MTMR4: variants seen among roughly 807,000 people sequenced by gnomAD.
The protein encoded by MTMR4 is myotubularin related protein 4, also known as phosphatidylinositol-3,5-bisphosphate 3-phosphatase MTMR4.
In MTMR4, 30 loss-of-function variants were observed where a neutral mutation model predicts 125.5. That is an observed-to-expected ratio of 0.24 (90% CI 0.18 to 0.32). The LOEUF (loss-of-function observed/expected upper bound fraction) is 0.32, where lower values mean the gene tolerates loss of function less well. Ranked by LOEUF, MTMR4 falls within the 10% of genes least tolerant of loss-of-function variation. The pLI, the probability that MTMR4 is intolerant of heterozygous loss-of-function variation, is 1.00. For synonymous variants in MTMR4, 498 were observed against 564.5 expected (o/e 0.88, Z 1.67); for missense variants, 1,039 against 1,511.5 (o/e 0.69, Z 5.18).
In MTMR4 at chr17:58,512,350, G is replaced by T; in HGVS notation, c.252+40C>A. 1 of 1,501,264 alleles carries T rather than the reference G, an allele frequency of 6.7e-7. No individual in the cohort carries two copies. Among genetic ancestry groups the T allele is most frequent in the East Asian group, 2.3e-5 (1 of 44,310 alleles). 93.0% of individuals were successfully genotyped at this position (1,501,264 alleles called of 1,614,324 possible). ...ACAATCCCACCTTGAACTTCATAGG[G>T]ATTCTAGCTTAGGGGTAGGAGAACA... On this transcript the variant is annotated intron_variant, in intron 3 of 17. Coordinates refer to ENST00000682306, the MANE Select transcript of MTMR4 (RefSeq NM_001378067.1). The surrounding 1 kb of genome is among the most constrained non-coding windows in gnomAD (Gnocchi z 4.1).
chr17:58,516,391 A>G (rs930825532), upstream of MTMR4, among the ~76,000 whole-genome samples: 3 of 152,218 alleles, frequency 2.0e-5, no homozygotes, highest in Non-Finnish European at 4.4e-5. Flanking sequence ...TTCCAGTCCC[A>G]GTGCTGTATA....
chr17:58,513,668 G>A (rs756631583), intron 1 of MTMR4, among the ~76,000 whole-genome samples: 10 of 151,994 alleles, frequency 6.6e-5, no homozygotes, highest in Non-Finnish European at 1.2e-4. Flanking sequence ...GCGCCTGGGA[G>A]GAGCCAGGAG....
chr17:58,491,964 AGTTTG>A (rs1975325815), intron 17 of MTMR4, 124 bp from the exon 18 acceptor site: 1 of 693,230 alleles, frequency 1.4e-6, no homozygotes. Flanking sequence ...TGAGGCCAGG[AGTTTG>A]AGACTTGCCT....
rs1409423307 is a variant in MTMR4, at chr17:58,512,182, C to T, written c.252+208G>A. Among the ~76,000 whole-genome samples, 1 of 152,138 alleles carries T rather than the reference C, an allele frequency of 6.6e-6. No individual in the cohort carries two copies. Among genetic ancestry groups the T allele is most frequent in the Non-Finnish European group, 1.5e-5 (1 of 68,020 alleles). ...TGTATTGTTAGTAGAGACACAGTTT[C>T]ACCATGTTGGCCAGGCTGGTCTCGA... On this transcript the variant is annotated intron_variant, in intron 3 of 17. Coordinates refer to ENST00000682306, the MANE Select transcript of MTMR4 (RefSeq NM_001378067.1). This position sits in a 1 kb window ranked among gnomAD's most constrained non-coding sequence, Gnocchi z 4.1.
intron 14 of MTMR4, among the ~76,000 whole-genome samples, chr17:58,500,335 C>T (rs1975587259): frequency 6.6e-6 from 1 of 152,044 alleles, no homozygotes; most frequent in East Asian, 1.9e-4. Flanking sequence ...CCATGTTGCC[C>T]AGGTTGGTCT....
Position 58,491,452 on chromosome 17 carries a change from C to A in MTMR4, c.*211G>T. The A allele has an allele frequency of 2.2e-6, 1 of 458,596 alleles. No homozygotes were observed. The allele number at this position is 458,596 out of a possible 1,614,324, so 28.4% of individuals were successfully genotyped here. A position where few individuals can be genotyped will look rare whatever the true frequency, so the allele number is the denominator to read the frequency against. On this transcript the variant is annotated 3_prime_UTR_variant, in exon 18 of 18. Transcript: ENST00000682306. The stretch of plus-strand genomic sequence containing the variant: ...CCAGACCCTGGGTCTGGGTTAGGAC[C>A]ATTACCCCAAGGTGAGGGTATCACC...
Position 58,514,637 on chromosome 17 carries a change from G to C in MTMR4, c.-230C>G. 2 of 985,336 alleles carry C rather than the reference G, an allele frequency of 2.0e-6. No individual in the cohort carries two copies. The highest frequency in any genetic ancestry group is 4.7e-5 in the South Asian group (1 of 21,294). The allele number at this position is 985,336 out of a possible 1,614,324, so 61.0% of individuals were successfully genotyped here. On this transcript the variant is annotated 5_prime_UTR_variant, in exon 1 of 18. Coordinates refer to ENST00000682306, the MANE Select transcript of MTMR4 (RefSeq NM_001378067.1). ...CTCCCGCACGAGTGCAGAAGGGAGG[G>C]GAGCCAGGCGAGGGGAGAGCCCGGG...
At chr17:58,511,356 G>A in intron 4 of MTMR4, 73 bp downstream of exon 4, 5 of 1,310,178 alleles carry the variant, frequency 3.8e-6, no homozygotes, top group Non-Finnish European at 5.3e-6. Context: ...TCTTGCACCA[G>A]AGAAACCCTG....
rs1598221081 is a variant in MTMR4, at chr17:58,505,571, T to C, written c.1046A>G (p.Asn349Ser). Residue 349 changes from asparagine (N) to serine (S), a missense_variant, in exon 10 of 18, where the codon AAC becomes AGC. By Grantham distance (46) the Asn-to-Ser change is conservative (BLOSUM62 1). Coordinates refer to ENST00000682306, the MANE Select transcript of MTMR4 (RefSeq NM_001378067.1). ...CATTCCCATGAACACGACCTCACAG[T>C]TGGGATAGTACTCTGTAGACATGAC... ...GGCECEEYYP[N>S]CEVVFMGMAN... The C allele has an allele frequency of 1.2e-6, 2 of 1,610,358 alleles. No homozygotes were observed. The highest frequency in any genetic ancestry group is 2.2e-5 in the East Asian group (1 of 44,678).
intron 14 of MTMR4, among the ~76,000 whole-genome samples, chr17:58,497,665 G>A (rs935579866): frequency 6.6e-6 from 1 of 152,192 alleles, no homozygotes; most frequent in Non-Finnish European, 1.5e-5. Flanking sequence ...CCAGCGCCTA[G>A]CACAGTACCA....
Position 58,495,556 on chromosome 17 carries a change from G to A in MTMR4, c.2628C>T (p.Asp876=), listed in dbSNP as rs755169637. 1 of 1,614,148 alleles carries A rather than the reference G, an allele frequency of 6.2e-7. No individual in the cohort carries two copies. The highest frequency in any genetic ancestry group is 1.1e-5 in the South Asian group (1 of 91,084). The change falls in exon 15 of 18, where the codon GAC becomes GAT. Residue 876 remains aspartate, a synonymous_variant. Coordinates refer to ENST00000682306, the MANE Select transcript of MTMR4 (RefSeq NM_001378067.1). ...SVPDLTHGEE[D]IGKRGNNRNG... is the part of the protein sequence containing the mutation. ...TCCTATTATTTCCTCTTTTACCAATGTCTTCCTCCCCATGGGTCAGATCCG... is the reference window on the plus strand; with the variant it reads ...TCCTATTATTTCCTCTTTTACCAATATCTTCCTCCCCATGGGTCAGATCCG...
In MTMR4 at chr17:58,504,468, C is replaced by T; in HGVS notation, c.1362G>A (p.Glu454=). The T allele has an allele frequency of 1.2e-6, 2 of 1,613,976 alleles. No homozygotes were observed. Among genetic ancestry groups the T allele is most frequent in the African/African-American group, 1.3e-5 (1 of 75,036 alleles). ...TGTGCCCAAAATCCAGCCAGTCAGA[C>T]TCCACTAACACTTGGAAGCCCTGCA... ...RTLEGFQVLV[E]SDWLDFGHKF... Residue 454 remains glutamate (E), a synonymous_variant, in exon 12 of 18, where the codon GAG becomes GAA. Transcript: ENST00000682306. The surrounding 1 kb of genome is among the most constrained non-coding windows in gnomAD (Gnocchi z 7.1).
intron 14 of MTMR4, among the ~76,000 whole-genome samples, chr17:58,499,570 CT>C (rs1320764534): frequency 7.9e-5 from 12 of 152,028 alleles, no homozygotes; most frequent in Admixed American, 3.3e-4. Flanking sequence ...CTTTGGACCC[CT>C]CTCCACTAAC....
chr17:58,513,712 G>A (rs1225675000), intron 1 of MTMR4, among the ~76,000 whole-genome samples: 4 of 151,962 alleles, frequency 2.6e-5, no homozygotes, highest in African/African-American at 7.3e-5. Context: ...AGAGAGAGGA[G>A]GCCCGGCAGA....
At chr17:58,505,671 G>T in intron 9 of MTMR4, 88 bp from the exon 10 acceptor site, 1 of 823,158 alleles carries the variant, frequency 1.2e-6, no homozygotes. Context: ...ACTTTGGGAG[G>T]CTGAAGCGGT....
chr17:58,507,605 G>A (rs1049590211), intron 7 of MTMR4, among the ~76,000 whole-genome samples: 2 of 152,238 alleles, frequency 1.3e-5, no homozygotes, highest in African/African-American at 4.8e-5. Flanking sequence ...AGGCCTGGCT[G>A]AGCCAAGAAT....
rs1450588952 is a variant in MTMR4, at chr17:58,512,213, T to C, written c.252+177A>G. Among the ~76,000 whole-genome samples the C allele has an allele frequency of 6.6e-6, 1 of 152,170 alleles. No individual in the cohort carries two copies. Among genetic ancestry groups the C allele is most frequent in the Non-Finnish European group, 1.5e-5 (1 of 68,022 alleles). On this transcript the variant is annotated intron_variant, in intron 3 of 17. Coordinates refer to ENST00000682306, the MANE Select transcript of MTMR4 (RefSeq NM_001378067.1). This position sits in a 1 kb window ranked among gnomAD's most constrained non-coding sequence, Gnocchi z 4.1. The stretch of plus-strand genomic sequence containing the variant: ...GTTGGCCAGGCTGGTCTCGAACTCC[T>C]GACCTCAAGTGATCCACCCGCCTCG...
intron 14 of MTMR4, among the ~76,000 whole-genome samples, chr17:58,499,064 C>T (rs951223439): frequency 2.0e-5 from 3 of 152,136 alleles, no homozygotes; most frequent in East Asian, 3.8e-4. Context: ...AAGGATCCCA[C>T]TGTCAGCAGA....
At chr17:58,492,649 A>C in intron 16 of MTMR4, 50 bp from the exon 17 acceptor site, 1 of 1,556,348 alleles carries the variant, frequency 6.4e-7, no homozygotes, top group East Asian at 2.2e-5. Context: ...ACAGACTGGA[A>C]GAGCAACATT....
Sources: gnomAD v4.1 joint callset for allele counts (sites outside exome capture counted in the v4.1 genomes callset) on GRCh38, gnomAD v4.1.1 for gene constraint, Gnocchi (gnomAD v3.1) non-coding constraint, MANE v1.5 for transcripts, NCBI Gene and HGNC (gene_info 2026-07-23, HGNC 2026-07-21) for gene names.